Variants in GRIK1 observed in about 807,000 individuals in gnomAD.
The protein encoded by GRIK1 is glutamate ionotropic receptor kainate type subunit 1.
GRIK1 carries 69 observed loss-of-function variants against 105.7 expected under a neutral mutation model. The ratio of observed to expected loss-of-function variants is 0.65; its 90% confidence interval spans 0.54 to 0.80. The LOEUF (loss-of-function observed/expected upper bound fraction) is 0.80, where lower values mean the gene tolerates loss of function less well. Ranked by LOEUF, GRIK1 falls within the 30% of genes least tolerant of loss-of-function variation. GRIK1 has a pLI of 0.00. For missense variants in GRIK1, 1,109 were observed against 1,167.3 expected (o/e 0.95, Z 0.73); for synonymous variants, 438 against 431.3 (o/e 1.02, Z -0.19).
At chr21:29,743,974 G>A (rs1015783985) in intron 1 of GRIK1, among the ~76,000 whole-genome samples, 1 of 152,098 alleles carries the variant, frequency 6.6e-6, no homozygotes, top group South Asian at 2.1e-4. Context: ...AATAACTAAT[G>A]GGTACTAGGC....
chr21:29,561,805 G>A lies in GRIK1; in HGVS notation c.2175C>T (p.Ser725=), dbSNP rs917394984. The A allele has an allele frequency of 5.6e-6, 9 of 1,613,858 alleles. No individual in the cohort carries two copies. Among genetic ancestry groups the A allele is most frequent in the Non-Finnish European group, 6.8e-6 (8 of 1,179,782 alleles). Residue 725 remains serine, a synonymous_variant, in exon 15 of 18, where the codon AGC becomes AGT. Coordinates refer to ENST00000327783, the MANE Select transcript of GRIK1 (RefSeq NM_001330994.2). The part of the protein sequence containing the change: ...STYEKMWAFM[S]SRQQTALVRN... ...TTACCAGGGCGGTCTGCTGCCTGCTGCTCATGAAAGCCCACATCTTCTCAT... is the reference window on the plus strand; with the variant it reads ...TTACCAGGGCGGTCTGCTGCCTGCTACTCATGAAAGCCCACATCTTCTCAT...
chr21:29,938,363 C>T (rs1408182329), intron 1 of GRIK1, among the ~76,000 whole-genome samples: 2 of 152,182 alleles, frequency 1.3e-5, no homozygotes, highest in African/African-American at 2.4e-5. Flanking sequence ...CCTCTGTGAC[C>T]GTGACTCTAA....
At chr21:29,686,624 G>T (rs974257479) in intron 3 of GRIK1, among the ~76,000 whole-genome samples, 2 of 152,232 alleles carry the variant, frequency 1.3e-5, no homozygotes, top group Non-Finnish European at 2.9e-5. Flanking sequence ...AACACACTGG[G>T]TCCATTCGTT....
chr21:29,820,160 C>G (rs2067260485), intron 1 of GRIK1, among the ~76,000 whole-genome samples: 1 of 152,068 alleles, frequency 6.6e-6, no homozygotes, highest in African/African-American at 2.4e-5. Context: ...TGTGGGTCCC[C>G]ATGGGACACA....
At chr21:29,909,589 C>T (rs2070748611) in intron 1 of GRIK1, among the ~76,000 whole-genome samples, 2 of 152,072 alleles carry the variant, frequency 1.3e-5, no homozygotes, top group Non-Finnish European at 2.9e-5. Flanking sequence ...TTAACACATT[C>T]AAACTAAAAT....
At chr21:29,757,146 A>T (rs1316757379) in intron 1 of GRIK1, among the ~76,000 whole-genome samples, 1 of 152,086 alleles carries the variant, frequency 6.6e-6, no homozygotes, top group Non-Finnish European at 1.5e-5. Context: ...AAATTAAAAA[A>T]TTTAAAAAAA....
chr21:29,883,530 AT>A (rs1321095844), intron 1 of GRIK1, among the ~76,000 whole-genome samples: 1 of 152,010 alleles, frequency 6.6e-6, no homozygotes, highest in Admixed American at 6.6e-5. Flanking sequence ...AGTGGTGCAC[AT>A]TTTCCTTCCA....
chr21:29,701,434 AT>A (rs1427338954), intron 1 of GRIK1, among the ~76,000 whole-genome samples: 1 of 152,164 alleles, frequency 6.6e-6, no homozygotes, highest in Non-Finnish European at 1.5e-5. Flanking sequence ...GCCTGATGCT[AT>A]TTTTGAGGAA....
intron 1 of GRIK1, among the ~76,000 whole-genome samples, chr21:29,695,472 C>CTATATATATATA (rs566101202): frequency 2.3e-5 from 3 of 128,742 alleles, no homozygotes; most frequent in Non-Finnish European, 5.1e-5. Flanking sequence ...ATCTATCTAT[C>CTATATATATATA]TATCTATATA....
At position 29,904,808 on chromosome 21, in the gene GRIK1, A is replaced by G. The variant is rs186168416; in HGVS notation, c.118+34575T>C. 5.7e-3 allele frequency among the ~76,000 whole-genome samples: 862 copies of G among 152,290 alleles called. 4 individuals carry two copies. The highest frequency in any genetic ancestry group is 9.4e-3 in the Non-Finnish European group (638 of 68,024). On this transcript the variant is annotated intron_variant, in intron 1 of 17. Coordinates refer to ENST00000327783, the MANE Select transcript of GRIK1 (RefSeq NM_001330994.2). ...GTCATGTACCCAGCTCTGTTCTAAC[A>G]GATCAACACTTCTCAGTGGAGTCCT...
chr21:29,890,445 C>T (rs138890522), intron 1 of GRIK1, among the ~76,000 whole-genome samples: 1 of 152,084 alleles, frequency 6.6e-6, no homozygotes, highest in African/African-American at 2.4e-5. Flanking sequence ...ATTGTGCAGT[C>T]TCTTCATCAA....
chr21:29,819,741 A>G (rs1032677500), intron 1 of GRIK1, among the ~76,000 whole-genome samples: 4 of 152,030 alleles, frequency 2.6e-5, no homozygotes. Context: ...AGTCAAGACT[A>G]TTTGAAATAA....
intron 7 of GRIK1, among the ~76,000 whole-genome samples, chr21:29,618,750 G>T (rs1216851505): frequency 6.6e-6 from 1 of 152,152 alleles, no homozygotes; most frequent in Non-Finnish European, 1.5e-5. Flanking sequence ...ATTCTAAAGT[G>T]AAGTAACTTA....
In GRIK1 at chr21:29,598,948, G is replaced by A; in HGVS notation, c.1099-11C>T. 2 of 1,220,874 alleles carry A rather than the reference G, an allele frequency of 1.6e-6. No homozygotes were observed. Among genetic ancestry groups the A allele is most frequent in the Non-Finnish European group, 2.4e-6 (2 of 842,098 alleles). 75.6% of individuals were successfully genotyped at this position (1,220,874 alleles called of 1,614,324 possible). Reference sequence around the variant, plus strand: ...GCCATCCCACCGGGCCTGTGGACAAGAAGAAATGTGGCTGTTATTGTTAAA... The same window carrying A: ...GCCATCCCACCGGGCCTGTGGACAAAAAGAAATGTGGCTGTTATTGTTAAA... On this transcript the variant is annotated splice_polypyrimidine_tract_variant and intron_variant, in intron 7 of 17. Coordinates refer to ENST00000327783, the MANE Select transcript of GRIK1 (RefSeq NM_001330994.2).
chr21:29,846,485 G>GAAAT (rs2068128244), intron 1 of GRIK1, among the ~76,000 whole-genome samples: 1 of 149,584 alleles, frequency 6.7e-6, no homozygotes, highest in South Asian at 2.1e-4. Context: ...AAGAAAGAAA[G>GAAAT]AAAGAAAGAA....
chr21:29,896,020 C>T lies in GRIK1; in HGVS notation c.118+43363G>A, dbSNP rs140934481. On this transcript the variant is annotated intron_variant, in intron 1 of 17. Transcript: ENST00000327783. Reference sequence around the variant, plus strand: ...TATTTTCTACCCAGAGTGCCCTCCCCACAACTACCTGCATGGCTATCTCCC... The same window carrying T: ...TATTTTCTACCCAGAGTGCCCTCCCTACAACTACCTGCATGGCTATCTCCC... Among the ~76,000 whole-genome samples the T allele has an allele frequency of 5.3e-3, 804 of 152,282 alleles. 5 individuals carry two copies. The highest frequency in any genetic ancestry group is 8.1e-3 in the Non-Finnish European group (549 of 68,024).
intron 1 of GRIK1, among the ~76,000 whole-genome samples, chr21:29,803,872 T>G (rs574013447): frequency 6.6e-6 from 1 of 152,274 alleles, no homozygotes; most frequent in East Asian, 1.9e-4. Context: ...ATGATCCCAT[T>G]GACTCATTTC....
At chr21:29,902,357 G>A (rs2070442566) in intron 1 of GRIK1, among the ~76,000 whole-genome samples, 1 of 152,168 alleles carries the variant, frequency 6.6e-6, no homozygotes, top group African/African-American at 2.4e-5. Flanking sequence ...AAGTCAAATT[G>A]TCTCTGTTTG....
intron 1 of GRIK1, among the ~76,000 whole-genome samples, chr21:29,774,190 G>A (rs572919078): frequency 2.6e-5 from 4 of 151,986 alleles, no homozygotes; most frequent in South Asian, 2.1e-4. Context: ...TTGGTTTCTC[G>A]GTTCATCAAC....
Sources: gnomAD v4.1 joint callset for allele counts (sites outside exome capture counted in the v4.1 genomes callset) on GRCh38, gnomAD v4.1.1 for gene constraint, MANE v1.5 for transcripts, NCBI Gene and HGNC (gene_info 2026-07-23, HGNC 2026-07-21) for gene names.